ZFP69: variants seen among roughly 807,000 people sequenced by gnomAD.
ZFP69 encodes the protein ZFP69 zinc finger protein, also known as zinc finger protein 69 homolog.
In ZFP69, 35 loss-of-function variants were observed where a neutral mutation model predicts 48.9. That is an observed-to-expected ratio of 0.72 (90% CI 0.55 to 0.95). The LOEUF (loss-of-function observed/expected upper bound fraction) is 0.95, where lower values mean the gene tolerates loss of function less well. Among genes scored for constraint, ZFP69 ranks in the 40% least tolerant of loss-of-function variants. ZFP69 has a pLI of 0.00. For missense variants in ZFP69, 557 were observed against 638.4 expected (o/e 0.87, Z 1.37); for synonymous variants, 193 against 216.8 (o/e 0.89, Z 0.96).
chr1:40,491,437 A>C (rs538654733), intron 5 of ZFP69, among the ~76,000 whole-genome samples: 1 of 152,206 alleles, frequency 6.6e-6, no homozygotes, highest in South Asian at 2.1e-4. Flanking sequence ...GGTATTACCA[A>C]TTTGCTCTTC....
In ZFP69 at chr1:40,477,753, C is replaced by G. The variant is rs924441094; in HGVS notation, c.-468C>G. The G allele has an allele frequency of 6.6e-6, 1 of 151,690 alleles. No individual in the cohort carries two copies. Among genetic ancestry groups the G allele is most frequent in the African/African-American group, 2.4e-5 (1 of 41,256 alleles). 9.4% of individuals were successfully genotyped at this position (151,690 alleles called of 1,614,324 possible). A position where few individuals can be genotyped will look rare whatever the true frequency, so the allele number is the denominator to read the frequency against. On this transcript the variant is annotated 5_prime_UTR_variant, in exon 1 of 6. Coordinates refer to ENST00000372706, the MANE Select transcript of ZFP69 (RefSeq NM_001320179.2). This position sits in a 1 kb window ranked among gnomAD's most constrained non-coding sequence, Gnocchi z 4.0. ...TGATTGCGTTGAGTGGAGATGTGGT[C>G]TGTCTATAAAAGGCCGGGAGGGAAC...
chr1:40,489,144 G>C lies in ZFP69; in HGVS notation c.276G>C (p.Gln92His), dbSNP rs1348615948. 2 of 1,614,014 alleles carry C rather than the reference G, an allele frequency of 1.2e-6. No homozygotes were observed. Among genetic ancestry groups the C allele is most frequent in the African/African-American group, 1.3e-5 (1 of 74,940 alleles). ...ACTTCACCCAGGAAGAGTGGGGGCAGCTGGCTCCTGCTCACCAGAATCTAT... is the reference window on the plus strand; with the variant it reads ...ACTTCACCCAGGAAGAGTGGGGGCACCTGGCTCCTGCTCACCAGAATCTAT... Reference protein sequence around the residue: ...SIDFTQEEWGQLAPAHQNLYR... With the variant: ...SIDFTQEEWGHLAPAHQNLYR... The change falls in exon 4 of 6, where the codon CAG becomes CAC. Residue 92 changes from glutamine (Q) to histidine (H), a missense_variant. Coordinates refer to ENST00000372706, the MANE Select transcript of ZFP69 (RefSeq NM_001320179.2).
At chr1:40,482,263 G>A (rs904015882) in intron 3 of ZFP69, among the ~76,000 whole-genome samples, 2 of 152,050 alleles carry the variant, frequency 1.3e-5, no homozygotes, top group African/African-American at 4.8e-5. Flanking sequence ...TGTGAACTTT[G>A]AGAGGTGACC....
In ZFP69 at chr1:40,494,961, G is replaced by A; in HGVS notation, c.483G>A (p.Lys161=). ...TAGAAACCATTGAGTCAACTGCAAA[G>A]AGTACCATTTCACAGGAGCGCTTAT... The part of the protein sequence containing the change: ...SKIETIESTA[K]STISQERLYH... Residue 161 remains lysine (K), a synonymous_variant, in exon 6 of 6, where the codon AAG becomes AAA. Transcript: ENST00000372706. The A allele has an allele frequency of 6.2e-7, 1 of 1,613,460 alleles. No homozygotes were observed. The highest frequency in any genetic ancestry group is 8.5e-7 in the Non-Finnish European group (1 of 1,179,858).
intron 5 of ZFP69, among the ~76,000 whole-genome samples, chr1:40,493,907 C>T (rs61046651): frequency 0.15 from 22,202 of 152,126 alleles, 1,792 homozygotes; most frequent in Middle Eastern, 0.23. Flanking sequence ...TTTCCTAGAA[C>T]CTAGCAGCAG....
At position 40,488,114 on chromosome 1, in the gene ZFP69, GC is replaced by G. The variant is rs1010768259; in HGVS notation, c.220-972del. Among the ~76,000 whole-genome samples, 4 of 152,088 alleles carry G rather than the reference GC, an allele frequency of 2.6e-5. No individual in the cohort carries two copies. The East Asian group carries it at 5.8e-4, about 22-fold the overall frequency. ...GCCTGTAATGCGAACACTTTGAGGG[GC>G]CAAGGCAGGAGTGCATGTGTATATA... On this transcript the variant is annotated intron_variant, in intron 3 of 5. Coordinates refer to ENST00000372706, the MANE Select transcript of ZFP69 (RefSeq NM_001320179.2).
intron 5 of ZFP69, among the ~76,000 whole-genome samples, chr1:40,490,357 AGGCAGAT>A (rs924714210): frequency 2.0e-4 from 30 of 152,300 alleles, no homozygotes; most frequent in African/African-American, 6.5e-4. Context: ...CAAATCACCA[AGGCAGAT>A]GGAATTTTAA....
At position 40,495,212 on chromosome 1, in the gene ZFP69, A is replaced by G. The variant is rs1474110948; in HGVS notation, c.734A>G (p.Tyr245Cys). 2 of 1,614,202 alleles carry G rather than the reference A, an allele frequency of 1.2e-6. No homozygotes were observed. The highest frequency in any genetic ancestry group is 1.7e-6 in the Non-Finnish European group (2 of 1,180,042). The change falls in exon 6 of 6, where the codon TAT becomes TGT. Residue 245 changes from tyrosine to cysteine, a missense_variant. Coordinates refer to ENST00000372706, the MANE Select transcript of ZFP69 (RefSeq NM_001320179.2). ...ATTATTGAACAGAGGCACCATAAAT[A>G]TGATACACCTACAAAGCGGAACACA... ...NVIIEQRHHK[Y>C]DTPTKRNTYK...
intron 3 of ZFP69, among the ~76,000 whole-genome samples, chr1:40,485,184 A>C (rs1418298063): frequency 6.6e-6 from 1 of 151,702 alleles, no homozygotes; most frequent in African/African-American, 2.4e-5. Flanking sequence ...TGAACCACTG[A>C]GTCTGGCCAG....
At position 40,495,010 on chromosome 1, in the gene ZFP69, T is replaced by C; in HGVS notation, c.532T>C (p.Phe178Leu). The change falls in exon 6 of 6, where the codon TTC becomes CTC. Residue 178 changes from phenylalanine to leucine, a missense_variant. Physicochemically the swap from Phe to Leu is conservative, Grantham distance 22. Transcript: ENST00000372706. ...ATATCATGGCATTATGATGGAAAGT[T>C]TCATGAGGGATGATATAATTTATTC... ...RLYHGIMMES[F>L]MRDDIIYSTL... The C allele has an allele frequency of 1.2e-6, 2 of 1,613,996 alleles. No homozygotes were observed. The highest frequency in any genetic ancestry group is 2.2e-5 in the South Asian group (2 of 91,086).
intron 2 of ZFP69, among the ~76,000 whole-genome samples, chr1:40,479,791 T>C (rs1037939224): frequency 7.2e-5 from 11 of 152,214 alleles, no homozygotes; most frequent in African/African-American, 2.7e-4. Flanking sequence ...CAGACAGGTC[T>C]AAGATTTCTG....
intron 3 of ZFP69, among the ~76,000 whole-genome samples, chr1:40,486,479 T>A (rs1473792521): frequency 1.2e-5 from 1 of 82,598 alleles, no homozygotes; most frequent in Non-Finnish European, 2.2e-5. Flanking sequence ...CCTTTCTTCC[T>A]CCCTCCCTCC....
At chr1:40,483,146 C>T (rs964092219) in intron 3 of ZFP69, among the ~76,000 whole-genome samples, 6 of 150,792 alleles carry the variant, frequency 4.0e-5, no homozygotes, top group African/African-American at 1.2e-4. Context: ...CATGAAGGAA[C>T]GTTCTGAGAT....
chr1:40,485,929 A>G (rs934800769), intron 3 of ZFP69, among the ~76,000 whole-genome samples: 1 of 152,022 alleles, frequency 6.6e-6, no homozygotes, highest in African/African-American at 2.4e-5. Context: ...TTTGAGACGG[A>G]GTCTTGCTCT....
At chr1:40,490,469 AC>A (rs1441305893) in intron 5 of ZFP69, among the ~76,000 whole-genome samples, 1 of 152,098 alleles carries the variant, frequency 6.6e-6, no homozygotes, top group Non-Finnish European at 1.5e-5. Context: ...TCCCTTCCTT[AC>A]CCCTTTCCTT....
In ZFP69 at chr1:40,495,659, A is replaced by G; in HGVS notation, c.1181A>G (p.Gln394Arg). The G allele has an allele frequency of 6.2e-7, 1 of 1,614,246 alleles. No individual in the cohort carries two copies. Among genetic ancestry groups the G allele is most frequent in the South Asian group, 1.1e-5 (1 of 91,086 alleles). The stretch of plus-strand genomic sequence containing the variant: ...AATGAATGTGGGAAAACCTTTAGAC[A>G]GATTAGACACCTTAGTGAACATATA... ...TCNECGKTFRQIRHLSEHIRI... is the reference protein window; with the variant it reads ...TCNECGKTFRRIRHLSEHIRI... Residue 394 changes from glutamine (Q) to arginine (R), a missense_variant, in exon 6 of 6, where the codon CAG becomes CGG. Physicochemically the swap from Gln to Arg is conservative, Grantham distance 43 (BLOSUM62 1). Coordinates refer to ENST00000372706, the MANE Select transcript of ZFP69 (RefSeq NM_001320179.2).
rs1645501767 is a variant in ZFP69, at chr1:40,486,509, C to G, written c.220-2579C>G. Among the ~76,000 whole-genome samples the G allele has an allele frequency of 2.1e-5, 3 of 139,852 alleles. No homozygotes were observed. In the South Asian group the frequency reaches 7.8e-4, roughly 36 times the overall value. The allele number at this position is 139,852 out of a possible 152,430, so 91.7% of individuals were successfully genotyped here. A position where few individuals can be genotyped will look rare whatever the true frequency, so the allele number is the denominator to read the frequency against. On this transcript the variant is annotated intron_variant, in intron 3 of 5. Coordinates refer to ENST00000372706, the MANE Select transcript of ZFP69 (RefSeq NM_001320179.2). ...CCCTCCCTCCCTCCCACCACTACCT[C>G]TCAGGCTTAAGTGATCCTCCTGCCT... is the stretch of plus-strand genomic sequence containing the variant.
chr1:40,486,065 G>A (rs1004421157), intron 3 of ZFP69, among the ~76,000 whole-genome samples: 2 of 151,708 alleles, frequency 1.3e-5, no homozygotes, highest in Non-Finnish European at 2.9e-5. Flanking sequence ...TACCACACCC[G>A]CCTTATTTTA....
chr1:40,492,996 C>T (rs1318274659), intron 5 of ZFP69, among the ~76,000 whole-genome samples: 1 of 152,086 alleles, frequency 6.6e-6, no homozygotes, highest in East Asian at 1.9e-4. Context: ...GATGCTGAGG[C>T]GGGCAGATCA....
Sources: gnomAD v4.1 joint callset for allele counts (sites outside exome capture counted in the v4.1 genomes callset) on GRCh38, gnomAD v4.1.1 for gene constraint, Gnocchi (gnomAD v3.1) non-coding constraint, MANE v1.5 for transcripts, NCBI Gene and HGNC (gene_info 2026-07-23, HGNC 2026-07-21) for gene names.